The following GSR variants were observed in gnomAD, a reference collection of about 807,000 sequenced individuals.
GSR encodes the protein glutathione-disulfide reductase, also known as glutathione reductase, mitochondrial.
Under a neutral mutation model 56.5 loss-of-function variants are expected in GSR, and 48 were observed. That is an observed-to-expected ratio of 0.85 (90% CI 0.67 to 1.08). The LOEUF is 1.08. Among genes scored for constraint, GSR ranks in the 50% least tolerant of loss-of-function variants. The pLI is 0.00. For missense variants in GSR, 694 were observed against 703.3 expected (o/e 0.99, Z 0.15); for synonymous variants, 264 against 270.8 (o/e 0.97, Z 0.25).
intron 1 of GSR, among the ~76,000 whole-genome samples, chr8:30,724,941 G>A (rs1328128290): frequency 6.6e-6 from 1 of 152,192 alleles, no homozygotes; most frequent in Non-Finnish European, 1.5e-5. Context: ...ACATGGGATT[G>A]TGAAATTACA....
chr8:30,680,994 A>G lies in GSR; in HGVS notation c.1329T>C (p.Tyr443=). 1 of 1,609,944 alleles carries G rather than the reference A, an allele frequency of 6.2e-7. No individual in the cohort carries two copies. Among genetic ancestry groups the G allele is most frequent in the Non-Finnish European group, 8.5e-7 (1 of 1,176,304 alleles). ...GATACATCGGGGTAAAGCTCGTTGA[A>G]TAGGTCTTCACATTTTCTATTCCAT... The part of the protein sequence containing the change: ...HKYGIENVKT[Y]STSFTPMYHA... The change falls in exon 12 of 13, where the codon TAT becomes TAC. Residue 443 remains tyrosine (Y), a synonymous_variant. Transcript: ENST00000221130.
At chr8:30,713,826 C>G (rs890341836) in intron 1 of GSR, among the ~76,000 whole-genome samples, 1 of 152,178 alleles carries the variant, frequency 6.6e-6, no homozygotes, top group Non-Finnish European at 1.5e-5. Flanking sequence ...AAAGTAGTCA[C>G]ATATTATGCT....
At chr8:30,684,009 C>G in intron 10 of GSR, 79 bp downstream of exon 10, 1 of 807,030 alleles carries the variant, frequency 1.2e-6, no homozygotes, top group Non-Finnish European at 2.3e-6. Context: ...CTTAAGCAGA[C>G]TGCAGATTTG....
chr8:30,716,884 ATCCCC>A (rs1804350276), intron 1 of GSR, among the ~76,000 whole-genome samples: 1 of 152,046 alleles, frequency 6.6e-6, no homozygotes. Context: ...TCGCTCACCC[ATCCCC>A]TCTGCTGCTC....
Position 30,712,055 on chromosome 8 carries a change from A to G in GSR, c.333+7T>C, listed in dbSNP as rs1308882562. 1.5e-6 allele frequency: 2 copies of G among 1,371,748 alleles called. No homozygotes were observed. The highest frequency in any genetic ancestry group is 2.3e-5 in the East Asian group (1 of 43,736). 85.0% of individuals were successfully genotyped at this position (1,371,748 alleles called of 1,614,324 possible). ...ATTGTAAAGGGAAAGAGAAATAAAA[A>G]TTCTACCTTTTTGGGTACACATCCA... On this transcript the variant is annotated splice_region_variant and intron_variant, in intron 2 of 12. Coordinates refer to ENST00000221130, the MANE Select transcript of GSR (RefSeq NM_000637.5).
chr8:30,684,779 T>A (rs773965153), intron 9 of GSR, among the ~76,000 whole-genome samples: 1 of 151,960 alleles, frequency 6.6e-6, no homozygotes, highest in Non-Finnish European at 1.5e-5. Flanking sequence ...AGACAGGGTC[T>A]CGCTCTGTTA....
Position 30,700,083 on chromosome 8 carries a change from G to A in GSR, c.693C>T (p.Pro231=), listed in dbSNP as rs909341759. The A allele has an allele frequency of 7.4e-6, 12 of 1,611,820 alleles. No homozygotes were observed. The highest frequency in any genetic ancestry group is 1.6e-4 in the Middle Eastern group (1 of 6,072). ...SDGFFQLEEL[P]GRSVIVGAGY... ...GAGGTCAGGTCAGGTTGGCTTACCC[G>A]GGCAATTCTTCCAGCTGAAAAAATC... The change falls in exon 6 of 13, where the codon CCC becomes CCT. Residue 231 remains proline (P), a splice_region_variant and synonymous_variant. Transcript: ENST00000221130.
intron 3 of GSR, 57 bp downstream of exon 3, chr8:30,709,757 T>A: frequency 1.0e-6 from 1 of 973,250 alleles, no homozygotes. Context: ...TATGGCTCAG[T>A]TATAAAAGAA....
At chr8:30,702,538 T>C (rs1803779292) in intron 5 of GSR, among the ~76,000 whole-genome samples, 1 of 152,094 alleles carries the variant, frequency 6.6e-6, no homozygotes, top group South Asian at 2.1e-4. Flanking sequence ...TAACAACCCG[T>C]CTGACAAACT....
intron 9 of GSR, 105 bp from the exon 10 acceptor site, chr8:30,684,304 A>G: frequency 1.3e-6 from 1 of 775,312 alleles, no homozygotes; most frequent in Admixed American, 1.7e-5. Flanking sequence ...AACTGCAGCC[A>G]GAATCTCCAA....
At chr8:30,708,761 T>C (rs1413291490) in intron 3 of GSR, among the ~76,000 whole-genome samples, 2 of 150,004 alleles carry the variant, frequency 1.3e-5, no homozygotes, top group South Asian at 2.1e-4. Flanking sequence ...TCGAGATCAT[T>C]CTGGCTAACA....
intron 5 of GSR, among the ~76,000 whole-genome samples, chr8:30,702,292 C>A (rs1021685552): frequency 4.6e-5 from 7 of 151,716 alleles, no homozygotes; most frequent in Non-Finnish European, 8.8e-5. Flanking sequence ...TGCACTCCAG[C>A]CTGGGTGACA....
At chr8:30,682,099 T>A in intron 10 of GSR, 38 bp from the exon 11 acceptor site, 1 of 1,583,496 alleles carries the variant, frequency 6.3e-7, no homozygotes, top group African/African-American at 1.3e-5. Flanking sequence ...TATCTTACTG[T>A]CTGTTTTAAC....
chr8:30,707,972 A>G, intron 4 of GSR, 100 bp downstream of exon 4: 1 of 713,492 alleles, frequency 1.4e-6, no homozygotes, highest in Non-Finnish European at 2.3e-6. Context: ...AAATAATAAT[A>G]AAAATAAATA....
chr8:30,684,263 C>T, intron 9 of GSR, 64 bp from the exon 10 acceptor site: 1 of 877,556 alleles, frequency 1.1e-6, no homozygotes, highest in Non-Finnish European at 2.0e-6. Flanking sequence ...TAGATCAAAC[C>T]TCTGGATCTC....
intron 7 of GSR, 111 bp from the exon 8 acceptor site, chr8:30,693,166 C>T: frequency 1.4e-6 from 1 of 732,134 alleles, no homozygotes; most frequent in Non-Finnish European, 2.5e-6. Flanking sequence ...ATTATTTCCT[C>T]CTTACTTATG....
In GSR at chr8:30,700,190, T is replaced by C. The variant is rs191369686; in HGVS notation, c.641-55A>G. On this transcript the variant is annotated intron_variant, in intron 5 of 12. Coordinates refer to ENST00000221130, the MANE Select transcript of GSR (RefSeq NM_000637.5). ...CAAGACTGCTCTTTCTCTTGCAAAG[T>C]AATCACAACATTTTATGCCAAAAAC... The C allele has an allele frequency of 7.0e-4, 865 of 1,231,346 alleles. 7 individuals carry two copies. The African/African-American group carries it at 0.01, about 15-fold the overall frequency. The allele number at this position is 1,231,346 out of a possible 1,614,324, so 76.3% of individuals were successfully genotyped here. A position where few individuals can be genotyped will look rare whatever the true frequency, so the allele number is the denominator to read the frequency against.
chr8:30,688,523 G>A (rs905560220), intron 9 of GSR, among the ~76,000 whole-genome samples: 1 of 144,046 alleles, frequency 6.9e-6, no homozygotes, highest in African/African-American at 2.6e-5. Context: ...AGACTGCAGT[G>A]AGCTATGATC....
intron 1 of GSR, among the ~76,000 whole-genome samples, chr8:30,717,819 G>A (rs981199677): frequency 6.6e-6 from 1 of 152,078 alleles, no homozygotes; most frequent in African/African-American, 2.4e-5. Flanking sequence ...ATGTGATGCA[G>A]GCTGGGCGTG....
Sources: allele counts gnomAD v4.1 joint callset (sites outside exome capture counted in the v4.1 genomes callset), GRCh38; gene constraint gnomAD v4.1.1; transcripts MANE v1.5; gene names NCBI Gene and HGNC (gene_info 2026-07-23, HGNC 2026-07-21).